DIP2C: variants seen among roughly 807,000 people sequenced by gnomAD.
The protein encoded by DIP2C is DIP2 acetate--CoA ligase C (putative).
DIP2C carries 33 observed loss-of-function variants against 192.4 expected under a neutral mutation model. That is an observed-to-expected ratio of 0.17 (90% CI 0.13 to 0.23). The LOEUF is 0.23. DIP2C is among the 10% of genes least tolerant of loss of function. The pLI is 1.00. For synonymous variants in DIP2C, 979 were observed against 864.1 expected, an observed-to-expected ratio of 1.13 and a Z score of -2.33; for missense variants, 1,537 against 2,110.1, an observed-to-expected ratio of 0.73 and a Z score of 5.32.
intron 17 of DIP2C, among the ~76,000 whole-genome samples, chr10:374,858 G>C (rs116662812): frequency 1.3e-5 from 2 of 152,172 alleles, no homozygotes. Context: ...ATCAATATCA[G>C]TACATTAAAA....
intron 1 of DIP2C, among the ~76,000 whole-genome samples, chr10:677,395 G>C (rs1203444605): frequency 1.3e-5 from 2 of 152,124 alleles, no homozygotes; most frequent in Non-Finnish European, 2.9e-5. Context: ...CTGCCCCCTT[G>C]CTTAAATAGC....
chr10:581,837 TC>T (rs1850685264), intron 1 of DIP2C, among the ~76,000 whole-genome samples: 1 of 151,988 alleles, frequency 6.6e-6, no homozygotes, highest in Non-Finnish European at 1.5e-5. Flanking sequence ...GAGGTCCGAG[TC>T]CAAAAATCTA....
Position 579,576 on chromosome 10 carries a change from C to T in DIP2C, c.86-93046G>A, listed in dbSNP as rs116803756. On this transcript the variant is annotated intron_variant, in intron 1 of 36. Coordinates refer to ENST00000280886, the MANE Select transcript of DIP2C (RefSeq NM_014974.3). ...ATACATAGGTACACTATAACACATG[C>T]GTACATGCATAGAGCATACACATCC... 1.0e-3 allele frequency among the ~76,000 whole-genome samples: 158 copies of T among 151,588 alleles called. 1 individual carries two copies. Among genetic ancestry groups the T allele is most frequent in the African/African-American group, 3.1e-3 (129 of 41,246 alleles).
At chr10:414,650 G>A (rs1434071231) in intron 7 of DIP2C, among the ~76,000 whole-genome samples, 4 of 149,734 alleles carry the variant, frequency 2.7e-5, no homozygotes, top group African/African-American at 9.8e-5. Context: ...GTCCTAGCCT[G>A]TAGCTAGGAC....
chr10:645,437 G>C (rs1855399088), intron 1 of DIP2C, among the ~76,000 whole-genome samples: 2 of 152,152 alleles, frequency 1.3e-5, no homozygotes, highest in Non-Finnish European at 2.9e-5. Context: ...GAAGCCCTGT[G>C]CCTCCTCTCT....
intron 1 of DIP2C, among the ~76,000 whole-genome samples, chr10:563,311 T>A (rs563366664): frequency 5.4e-4 from 82 of 152,338 alleles, no homozygotes; most frequent in Non-Finnish European, 4.9e-4. Context: ...AGCACGTATT[T>A]TTATGTTCCT....
chr10:458,652 AAGG>A (rs1969503945), intron 3 of DIP2C, among the ~76,000 whole-genome samples: 1 of 150,530 alleles, frequency 6.6e-6, no homozygotes, highest in South Asian at 2.1e-4. Flanking sequence ...CCGTGACAGC[AAGG>A]AGGATGTCCT....
chr10:286,996 C>T (rs890253649), intron 33 of DIP2C, among the ~76,000 whole-genome samples: 4 of 152,178 alleles, frequency 2.6e-5, no homozygotes, highest in Non-Finnish European at 5.9e-5. Flanking sequence ...TTAGAACGTC[C>T]GTGTGGATCT....
intron 1 of DIP2C, among the ~76,000 whole-genome samples, chr10:538,988 C>T (rs1420824133): frequency 6.7e-6 from 1 of 148,920 alleles, no homozygotes; most frequent in African/African-American, 2.6e-5. Context: ...TGCTGTATGA[C>T]CTCAGTTGCG....
chr10:486,910 G>A (rs571078628), intron 1 of DIP2C, among the ~76,000 whole-genome samples: 136 of 152,312 alleles, frequency 8.9e-4, no homozygotes, highest in South Asian at 2.1e-4. Context: ...CGGGATGGCC[G>A]ACACCAGCAC....
chr10:546,098 A>C (rs898019303), intron 1 of DIP2C, among the ~76,000 whole-genome samples: 1 of 151,466 alleles, frequency 6.6e-6, no homozygotes, highest in Non-Finnish European at 1.5e-5. Flanking sequence ...CCTGACCAAC[A>C]TGGTGAAACC....
At chr10:286,202 T>C (rs909640646) in intron 34 of DIP2C, 71 bp downstream of exon 34, 2 of 1,449,808 alleles carry the variant, frequency 1.4e-6, no homozygotes, top group Non-Finnish European at 9.7e-7. Context: ...TGAGCAGTTC[T>C]GATGGTGTCA....
intron 1 of DIP2C, among the ~76,000 whole-genome samples, chr10:659,609 G>A (rs1421377902): frequency 2.0e-5 from 3 of 152,226 alleles, no homozygotes. Flanking sequence ...ACCCTCTTCT[G>A]TAAAGGTATT....
chr10:321,383 T>C (rs1436375788), intron 31 of DIP2C, among the ~76,000 whole-genome samples: 1 of 152,204 alleles, frequency 6.6e-6, no homozygotes, highest in Non-Finnish European at 1.5e-5. Flanking sequence ...CCTTGACACA[T>C]CCTAAGCCCT....
chr10:572,234 G>A (rs1849866954), intron 1 of DIP2C, among the ~76,000 whole-genome samples: 1 of 152,250 alleles, frequency 6.6e-6, no homozygotes, highest in Non-Finnish European at 1.5e-5. Flanking sequence ...TGGCATGTGT[G>A]CAGCAAGCTT....
chr10:392,464 G>T (rs1489026460), intron 10 of DIP2C, among the ~76,000 whole-genome samples: 2 of 152,202 alleles, frequency 1.3e-5, no homozygotes, highest in Admixed American at 6.5e-5. Flanking sequence ...AAAAAATAAG[G>T]AAGAGACTGA....
At chr10:527,059 T>TCA (rs1847096842) in intron 1 of DIP2C, among the ~76,000 whole-genome samples, 1 of 152,144 alleles carries the variant, frequency 6.6e-6, no homozygotes, top group African/African-American at 2.4e-5. Flanking sequence ...CACCACACAT[T>TCA]CAGTGAGGCT....
intron 2 of DIP2C, among the ~76,000 whole-genome samples, chr10:485,645 G>A (rs944756434): frequency 3.3e-5 from 5 of 152,202 alleles, no homozygotes; most frequent in East Asian, 1.9e-4. Flanking sequence ...GAACAGAATC[G>A]GGGTTTGTGC....
chr10:622,839 A>T (rs1269207815), intron 1 of DIP2C, among the ~76,000 whole-genome samples: 2 of 152,204 alleles, frequency 1.3e-5, no homozygotes, highest in East Asian at 3.8e-4. Flanking sequence ...AGAAACTACT[A>T]GATCAAGAGC....
Sources: gnomAD v4.1 joint callset for allele counts (sites outside exome capture counted in the v4.1 genomes callset) on GRCh38, gnomAD v4.1.1 for gene constraint, MANE v1.5 for transcripts, NCBI Gene and HGNC (gene_info 2026-07-23, HGNC 2026-07-21) for gene names.